Variants in RALGPS1 observed in about 807,000 individuals in gnomAD.
RALGPS1 encodes the protein ras-specific guanine nucleotide-releasing factor RalGPS1.
In RALGPS1, 19 loss-of-function variants were observed where a neutral mutation model predicts 78.8. That is an observed-to-expected ratio of 0.24 (90% CI 0.17 to 0.35). The LOEUF (loss-of-function observed/expected upper bound fraction) is 0.35, where lower values mean the gene tolerates loss of function less well. Among genes scored for constraint, RALGPS1 ranks in the 10% least tolerant of loss-of-function variants. The pLI is 1.00. For missense variants in RALGPS1, 454 were observed against 688.3 expected (o/e 0.66, Z 3.81); for synonymous variants, 228 against 256.3 (o/e 0.89, Z 1.06).
chr9:127,133,423 C>G (rs1180317397), intron 8 of RALGPS1, among the ~76,000 whole-genome samples: 1 of 152,254 alleles, frequency 6.6e-6, no homozygotes, highest in Non-Finnish European at 1.5e-5. Flanking sequence ...GTTTTGTTTA[C>G]TCAGCGAGCT....
chr9:126,944,126 A>G (rs1415585548), intron 1 of RALGPS1, among the ~76,000 whole-genome samples: 2 of 152,238 alleles, frequency 1.3e-5, no homozygotes, highest in Non-Finnish European at 2.9e-5. Flanking sequence ...GCCAGCCAGC[A>G]GCAGTGTATG....
chr9:126,968,027 G>A (rs1424961642), intron 3 of RALGPS1, among the ~76,000 whole-genome samples: 7 of 144,726 alleles, frequency 4.8e-5, no homozygotes, highest in South Asian at 4.3e-4. Flanking sequence ...TTTTTGAGAC[G>A]GAGTCTCGCT....
intron 8 of RALGPS1, among the ~76,000 whole-genome samples, chr9:127,077,993 C>T (rs926404247): frequency 6.6e-6 from 1 of 152,160 alleles, no homozygotes; most frequent in East Asian, 1.9e-4. Context: ...CTGATGGCCA[C>T]ATGCTACAGG....
At chr9:127,069,678 A>C (rs771222703) in intron 8 of RALGPS1, 1 of 192,792 alleles carries the variant, frequency 5.2e-6, no homozygotes, top group East Asian at 1.3e-4. Flanking sequence ...GAACTGGGGC[A>C]TGTCAGGCAC....
At chr9:127,150,102 T>A (rs996306677) in intron 8 of RALGPS1, among the ~76,000 whole-genome samples, 1 of 152,212 alleles carries the variant, frequency 6.6e-6, no homozygotes, top group African/African-American at 2.4e-5. Context: ...TTAGCCTCTC[T>A]GAGCCTCCCT....
intron 7 of RALGPS1, among the ~76,000 whole-genome samples, chr9:127,067,205 A>G (rs2049791915): frequency 6.6e-6 from 1 of 152,158 alleles, no homozygotes; most frequent in African/African-American, 2.4e-5. Context: ...TTCCCTGTCC[A>G]TTTTAGCAGA....
chr9:127,073,943 G>A (rs528010209), intron 8 of RALGPS1, among the ~76,000 whole-genome samples: 23 of 152,098 alleles, frequency 1.5e-4, no homozygotes, highest in South Asian at 2.1e-4. Context: ...GTGCAGTGGC[G>A]CCGTCTCGGC....
intron 5 of RALGPS1, among the ~76,000 whole-genome samples, chr9:127,035,213 C>T (rs1317338083): frequency 3.3e-5 from 5 of 152,134 alleles, no homozygotes; most frequent in Admixed American, 6.6e-5. Context: ...ATATATGGAA[C>T]GAATAGATGA....
intron 8 of RALGPS1, among the ~76,000 whole-genome samples, chr9:127,140,423 C>T (rs766904207): frequency 2.0e-5 from 3 of 152,328 alleles, no homozygotes; most frequent in East Asian, 1.9e-4. Flanking sequence ...CCCCTTAGAT[C>T]GTCATGAAAG....
chr9:127,118,298 T>C (rs1414096212), intron 8 of RALGPS1, among the ~76,000 whole-genome samples: 1 of 152,230 alleles, frequency 6.6e-6, no homozygotes, highest in Non-Finnish European at 1.5e-5. Context: ...ACAGTCCATG[T>C]GAAAGAACAC....
intron 1 of RALGPS1, among the ~76,000 whole-genome samples, chr9:126,915,215 C>G (rs2033992152): frequency 7.2e-6 from 1 of 138,880 alleles, no homozygotes; most frequent in South Asian, 2.2e-4. Context: ...GGGTCCGGGG[C>G]CAGGGGCGCG....
At chr9:126,990,694 C>T (rs972336758) in intron 4 of RALGPS1, among the ~76,000 whole-genome samples, 4 of 152,320 alleles carry the variant, frequency 2.6e-5, no homozygotes, top group South Asian at 4.1e-4. Flanking sequence ...CTCTCATAGC[C>T]GCCTCATACT....
At chr9:127,176,367 T>G (rs897232924) in intron 11 of RALGPS1, among the ~76,000 whole-genome samples, 1 of 152,288 alleles carries the variant, frequency 6.6e-6, no homozygotes, top group African/African-American at 2.4e-5. Context: ...TCGGTCAGCA[T>G]TGCTCCTTTT....
chr9:127,178,437 T>G (rs908950599), intron 11 of RALGPS1: 33 of 1,054,622 alleles, frequency 3.1e-5, no homozygotes, highest in Non-Finnish European at 3.7e-5. Context: ...CAGGGTAGTG[T>G]TGTTATTAGC....
chr9:127,199,149 G>C, intron 14 of RALGPS1, 83 bp downstream of exon 14: 1 of 1,304,404 alleles, frequency 7.7e-7, no homozygotes, highest in Non-Finnish European at 1.1e-6. Context: ...GGGCAGGGAC[G>C]GGCCCTGCCC....
intron 7 of RALGPS1, 103 bp downstream of exon 7, chr9:127,053,042 C>A: frequency 3.5e-6 from 3 of 846,200 alleles, no homozygotes; most frequent in Non-Finnish European, 5.9e-6. Flanking sequence ...TATACTTTGC[C>A]AACAACAGAG....
Position 127,091,754 on chromosome 9 carries a change from A to G in RALGPS1, c.610+22398A>G, listed in dbSNP as rs763325715. 1.2e-6 allele frequency: 2 copies of G among 1,614,126 alleles called. No homozygotes were observed. The highest frequency in any genetic ancestry group is 1.7e-6 in the Non-Finnish European group (2 of 1,180,040). ...AAGGAGTCACCCGCATTGCCATGGT[A>G]GCGCCCCAGCCGCAGCTTATAATAC... is the stretch of plus-strand genomic sequence containing the variant. On this transcript the variant is annotated intron_variant, in intron 8 of 18. Coordinates refer to ENST00000259351, the MANE Select transcript of RALGPS1 (RefSeq NM_014636.3). The surrounding 1 kb of genome is among the most constrained non-coding windows in gnomAD (Gnocchi z 4.3).
At chr9:127,167,611 CG>C (rs774971064) in intron 9 of RALGPS1, among the ~76,000 whole-genome samples, 12 of 152,190 alleles carry the variant, frequency 7.9e-5, no homozygotes, top group Non-Finnish European at 1.3e-4. Flanking sequence ...CCTTCACCTG[CG>C]TCATCTCCAT....
At chr9:126,953,691 C>T (rs145341815) in intron 1 of RALGPS1, among the ~76,000 whole-genome samples, 114 of 152,340 alleles carry the variant, frequency 7.5e-4, no homozygotes, top group Non-Finnish European at 1.3e-3. Context: ...TGACAATGAT[C>T]AGACTGTGTA....
Sources: allele counts gnomAD v4.1 joint callset (sites outside exome capture counted in the v4.1 genomes callset), GRCh38; gene constraint gnomAD v4.1.1; non-coding constraint Gnocchi (gnomAD v3.1); transcripts MANE v1.5; gene names NCBI Gene and HGNC (gene_info 2026-07-23, HGNC 2026-07-21).